Variants in GRIN3A observed in about 807,000 individuals in gnomAD.
GRIN3A encodes the protein glutamate receptor ionotropic, NMDA 3A.
Under a neutral mutation model 92.4 loss-of-function variants are expected in GRIN3A, and 47 were observed. That is an observed-to-expected ratio of 0.51 (90% CI 0.40 to 0.65). GRIN3A has a LOEUF of 0.65. GRIN3A is among the 30% of genes least tolerant of loss of function. The pLI is 0.00. For missense variants in GRIN3A, 1,324 were observed against 1,393.1 expected, an observed-to-expected ratio of 0.95 and a Z score of 0.79; for synonymous variants, 527 against 540.6, an observed-to-expected ratio of 0.97 and a Z score of 0.35.
rs895880142 is a variant in GRIN3A at position 101,573,115 on chromosome 9, A to T, written c.*59T>A. ...TCGATAGTTACAAAAGAGCATTACA[A>T]AGTGTCTCAAGGGCTCAGAGGAAGG... is the stretch of plus-strand genomic sequence containing the variant. On this transcript the variant is annotated 3_prime_UTR_variant, in exon 9 of 9. Coordinates refer to ENST00000361820, the MANE Select transcript of GRIN3A (RefSeq NM_133445.3). The T allele has an allele frequency of 3.7e-5, 52 of 1,387,804 alleles. No homozygotes were observed. In the East Asian group the frequency reaches 1.1e-3, roughly 28 times the overall value. 86.0% of individuals were successfully genotyped at this position (1,387,804 alleles called of 1,614,324 possible).
intron 3 of GRIN3A, among the ~76,000 whole-genome samples, chr9:101,640,127 A>G (rs1490569958): frequency 6.6e-6 from 1 of 152,196 alleles, no homozygotes; most frequent in African/African-American, 2.4e-5. Context: ...CTCCTTCAGT[A>G]TACATATACC....
At chr9:101,610,876 A>T (rs895515841) in intron 6 of GRIN3A, among the ~76,000 whole-genome samples, 46 of 152,090 alleles carry the variant, frequency 3.0e-4, no homozygotes, top group African/African-American at 1.1e-3. Flanking sequence ...AGGCGGGCAG[A>T]TCATGAACTC....
chr9:101,573,312 T>C lies in GRIN3A; in HGVS notation c.3210A>G (p.Val1070=). The part of the protein sequence containing the change: ...TTNGKADSLN[V]SRNSVMQELS... ...GTTCCTGCATCACTGAGTTCCGAGA[T>C]ACATTTAGGGAGTCTGCTTTCCCAT... Residue 1070 remains valine (V), a synonymous_variant, in exon 9 of 9, where the codon GTA becomes GTG. Coordinates refer to ENST00000361820, the MANE Select transcript of GRIN3A (RefSeq NM_133445.3). 6.2e-7 allele frequency: 1 copy of C among 1,614,098 alleles called. No homozygotes were observed. The highest frequency in any genetic ancestry group is 2.2e-5 in the East Asian group (1 of 44,874).
rs2119054090 is a variant in GRIN3A at position 101,737,529 on chromosome 9, C to G, written c.451G>C (p.Val151Leu). 1 of 1,614,258 alleles carries G rather than the reference C, an allele frequency of 6.2e-7. No individual in the cohort carries two copies. Among genetic ancestry groups the G allele is most frequent in the Non-Finnish European group, 8.5e-7 (1 of 1,180,044 alleles). Residue 151 changes from valine (V) to leucine (L), a missense_variant, in exon 1 of 9, where the codon GTG (valine) becomes CTG (leucine). Coordinates refer to ENST00000361820, the MANE Select transcript of GRIN3A (RefSeq NM_133445.3). The stretch of plus-strand genomic sequence containing the variant: ...CCCAGGCCTGCCTCGATGGCCATCA[C>G]TACTTCCAAAGACAGGTTGTAGGGT... ...LLPYNLSLEV[V>L]MAIEAGLGDL...
chr9:101,594,594 C>T (rs1337311300), intron 6 of GRIN3A: 2 of 1,614,070 alleles, frequency 1.2e-6, no homozygotes, highest in South Asian at 1.1e-5. Flanking sequence ...AAGAGCTCCC[C>T]GTTGGAAATG....
At chr9:101,704,845 A>G (rs1229335789) in intron 1 of GRIN3A, among the ~76,000 whole-genome samples, 1 of 152,028 alleles carries the variant, frequency 6.6e-6, no homozygotes, top group Non-Finnish European at 1.5e-5. Flanking sequence ...TGATGTGTGT[A>G]TTTTTATGGT....
chr9:101,648,175 A>G (rs1230277501), intron 3 of GRIN3A, among the ~76,000 whole-genome samples: 1 of 151,822 alleles, frequency 6.6e-6, no homozygotes, highest in Non-Finnish European at 1.5e-5. Context: ...CATTTTTGTT[A>G]GTCTCAAGGA....
intron 3 of GRIN3A, among the ~76,000 whole-genome samples, chr9:101,649,410 A>G (rs557547354): frequency 1.3e-5 from 2 of 151,942 alleles, no homozygotes; most frequent in Non-Finnish European, 2.9e-5. Context: ...AACTCACTCC[A>G]GGTGGTTCAG....
rs1184742949 is a variant in GRIN3A, at chr9:101,737,796, GGGC to G, written c.181_183del (p.Ala61del). On this transcript the variant is annotated inframe_deletion, in exon 1 of 9. Coordinates refer to ENST00000361820, the MANE Select transcript of GRIN3A (RefSeq NM_133445.3). The stretch of plus-strand genomic sequence containing the variant: ...TCCGGAGCGCGGCTGGCCGCGCGGG[GGGC>G]GGTGGTCCAGGGCTGCAAGTGCACC... 6.5e-7 allele frequency: 1 copy of G among 1,530,302 alleles called. No homozygotes were observed. The highest frequency in any genetic ancestry group is 8.7e-7 in the Non-Finnish European group (1 of 1,144,624). 94.8% of individuals were successfully genotyped at this position (1,530,302 alleles called of 1,614,324 possible).
chr9:101,720,981 A>G (rs1230439968), intron 1 of GRIN3A, among the ~76,000 whole-genome samples: 2 of 152,202 alleles, frequency 1.3e-5, no homozygotes, highest in Non-Finnish European at 2.9e-5. Flanking sequence ...CTGCGTGTGT[A>G]CCTCTGAACT....
chr9:101,641,277 C>A (rs1459310765), intron 3 of GRIN3A, among the ~76,000 whole-genome samples: 1 of 152,094 alleles, frequency 6.6e-6, no homozygotes, highest in Non-Finnish European at 1.5e-5. Flanking sequence ...CCAGCCATCC[C>A]ATTACTGGGT....
intron 1 of GRIN3A, among the ~76,000 whole-genome samples, chr9:101,690,387 G>T (rs1409086982): frequency 1.3e-5 from 2 of 152,144 alleles, no homozygotes; most frequent in Admixed American, 6.6e-5. Context: ...TGCAGGTTTT[G>T]TTCCATCATA....
intron 3 of GRIN3A, among the ~76,000 whole-genome samples, chr9:101,669,024 A>C (rs1218856747): frequency 2.0e-5 from 3 of 152,204 alleles, no homozygotes; most frequent in Non-Finnish European, 4.4e-5. Context: ...TGAAAGGCTC[A>C]GCTTAGCTTA....
In GRIN3A at chr9:101,571,343, C is replaced by T. The variant is rs56341340; in HGVS notation, c.*1831G>A. On this transcript the variant is annotated 3_prime_UTR_variant, in exon 9 of 9. Coordinates refer to ENST00000361820, the MANE Select transcript of GRIN3A (RefSeq NM_133445.3). Reference sequence around the variant, plus strand: ...CTAACTACAGCTTAAGTTGTTATTCCCTGGGTGACTGGGTAGATTTTGGTG... The same window carrying T: ...CTAACTACAGCTTAAGTTGTTATTCTCTGGGTGACTGGGTAGATTTTGGTG... 6.6e-6 allele frequency: 1 copy of T among 152,082 alleles called. No individual in the cohort carries two copies. The highest frequency in any genetic ancestry group is 2.4e-5 in the African/African-American group (1 of 41,382). 9.4% of individuals were successfully genotyped at this position (152,082 alleles called of 1,614,324 possible). A position where few individuals can be genotyped will look rare whatever the true frequency, so the allele number is the denominator to read the frequency against.
At chr9:101,627,500 A>G (rs118128694) in intron 4 of GRIN3A, among the ~76,000 whole-genome samples, 2 of 152,162 alleles carry the variant, frequency 1.3e-5, no homozygotes, top group East Asian at 3.9e-4. Context: ...ATGCTGCACA[A>G]TTCTAGGAAT....
chr9:101,671,176 C>T, intron 2 of GRIN3A, 69 bp from the exon 3 acceptor site: 1 of 1,042,700 alleles, frequency 9.6e-7, no homozygotes, highest in South Asian at 1.3e-5. Flanking sequence ...CAGTGTTCAG[C>T]TTTGCTTCCT....
intron 5 of GRIN3A, among the ~76,000 whole-genome samples, chr9:101,622,042 A>C (rs1828564229): frequency 1.3e-5 from 2 of 152,300 alleles, no homozygotes; most frequent in Middle Eastern, 6.8e-3. Context: ...CACTACTGCT[A>C]ATTGCCTCTC....
rs1318789386 is a variant in GRIN3A, at chr9:101,738,512, T to C, written c.-533A>G. On this transcript the variant is annotated 5_prime_UTR_variant, in exon 1 of 9. Coordinates refer to ENST00000361820, the MANE Select transcript of GRIN3A (RefSeq NM_133445.3). ...AGCCAAATCCACCTTCCTCCACTGT[T>C]GGCCACCCTCCTGCAGGCTCCCCCA... 1 of 165,728 alleles carries C rather than the reference T, an allele frequency of 6.0e-6. No individual in the cohort carries two copies. The highest frequency in any genetic ancestry group is 1.3e-5 in the Non-Finnish European group (1 of 78,228). 10.3% of individuals were successfully genotyped at this position (165,728 alleles called of 1,614,324 possible).
At chr9:101,644,883 A>C (rs1377658014) in intron 3 of GRIN3A, among the ~76,000 whole-genome samples, 2 of 151,910 alleles carry the variant, frequency 1.3e-5, no homozygotes, top group African/African-American at 4.8e-5. Flanking sequence ...TTATTAATAG[A>C]AAATAATTGC....
Sources: gnomAD v4.1 joint callset for allele counts (sites outside exome capture counted in the v4.1 genomes callset) on GRCh38, gnomAD v4.1.1 for gene constraint, MANE v1.5 for transcripts, NCBI Gene and HGNC (gene_info 2026-07-23, HGNC 2026-07-21) for gene names.